The following IL21 variants were observed in gnomAD, a reference collection of about 807,000 sequenced individuals.
IL21 encodes interleukin 21.
Under a neutral mutation model 18.4 loss-of-function variants are expected in IL21, and 3 were observed. The observed-to-expected ratio is 0.16, with a 90% confidence interval of 0.07 to 0.42. IL21 has a LOEUF of 0.42. Among genes scored for constraint, IL21 ranks in the 10% least tolerant of loss-of-function variants. IL21 has a pLI of 0.99. For synonymous variants in IL21, 37 were observed against 62.0 expected (o/e 0.60, Z 1.90); for missense variants, 130 against 188.4 (o/e 0.69, Z 1.81).
chr4:122,618,063 G>T (rs1044273463), intron 2 of IL21, among the ~76,000 whole-genome samples: 13 of 152,284 alleles, frequency 8.5e-5, no homozygotes, highest in Non-Finnish European at 1.2e-4. Flanking sequence ...CCAAAGGCAA[G>T]ACTTTGTTTC....
At chr4:122,615,443 G>A (rs187717912) in intron 3 of IL21, among the ~76,000 whole-genome samples, 3 of 152,144 alleles carry the variant, frequency 2.0e-5, no homozygotes, top group African/African-American at 7.2e-5. Context: ...GAGGAGAATG[G>A]CGTGAAACCG....
Position 122,615,748 on chromosome 4 carries a change from T to G in IL21, c.294A>C (p.Val98=). The change falls in exon 3 of 5, where the codon GTA becomes GTC. Residue 98 remains valine (V), a synonymous_variant. Transcript: ENST00000648588. The stretch of plus-strand genomic sequence containing the variant: ...GTTTCCTCTTCAGCTTTTTAATTGA[T>G]ACATTGATTATCCTTTCATTGTTTC... The part of the protein sequence containing the change: ...NTGNNERIIN[V]SIKKLKRKPP... 5 of 1,613,824 alleles carry G rather than the reference T, an allele frequency of 3.1e-6. No individual in the cohort carries two copies. Among genetic ancestry groups the G allele is most frequent in the Non-Finnish European group, 4.2e-6 (5 of 1,179,722 alleles).
chr4:122,615,658 A>C (rs755070384), intron 3 of IL21, 24 bp downstream of exon 3: 12 of 1,601,746 alleles, frequency 7.5e-6, no homozygotes, highest in Non-Finnish European at 1.0e-5. Context: ...TACAAATAAG[A>C]GAGATGACAA....
At position 122,612,866 on chromosome 4, in the gene IL21, T is replaced by C; in HGVS notation, c.423A>G (p.Lys141=). Residue 141 remains lysine, a synonymous_variant, in exon 4 of 5, where the codon AAA becomes AAG. Coordinates refer to ENST00000648588, the MANE Select transcript of IL21 (RefSeq NM_021803.4). ...KPPKEFLERF[K]SLLQKMIHQH... ...AGGTAGATACCTTTTGGAGAAGTGA[T>C]TTGAATCTTTCTAGGAATTCTTTGG... 1 of 1,613,066 alleles carries C rather than the reference T, an allele frequency of 6.2e-7. No homozygotes were observed. The highest frequency in any genetic ancestry group is 8.5e-7 in the Non-Finnish European group (1 of 1,179,492).
At chr4:122,618,477 C>A (rs574227309) in intron 2 of IL21, among the ~76,000 whole-genome samples, 1 of 152,180 alleles carries the variant, frequency 6.6e-6, no homozygotes, top group African/African-American at 2.4e-5. Context: ...AAGCCCTGGC[C>A]ATTCACACTA....
In IL21 at chr4:122,615,745, T is replaced by G; in HGVS notation, c.297A>C (p.Ser99=). 6.2e-7 allele frequency: 1 copy of G among 1,613,838 alleles called. No individual in the cohort carries two copies. Residue 99 remains serine, a synonymous_variant, in exon 3 of 5, where the codon TCA becomes TCC. Coordinates refer to ENST00000648588, the MANE Select transcript of IL21 (RefSeq NM_021803.4). ...GTGGTTTCCTCTTCAGCTTTTTAAT[T>G]GATACATTGATTATCCTTTCATTGT... ...TGNNERIINV[S]IKKLKRKPPS...
rs1364591882 is a variant in IL21, at chr4:122,611,058, T to G, written c.*1652A>C. On this transcript the variant is annotated 3_prime_UTR_variant, in exon 5 of 5. Transcript: ENST00000648588. ...ATTATTTTAAATATGAAATACAATA[T>G]CCAAGAAGTTAATAGCTATACATTC... 6.6e-6 allele frequency among the ~76,000 whole-genome samples: 1 copy of G among 152,166 alleles called. No homozygotes were observed. Among genetic ancestry groups the G allele is most frequent in the Admixed American group, 6.5e-5 (1 of 15,284 alleles).
intron 2 of IL21, chr4:122,618,913 A>G (rs186883325): frequency 1.3e-5 from 2 of 151,790 alleles, no homozygotes; most frequent in Admixed American, 1.3e-4. Context: ...GGGCTAGATA[A>G]TTCTTTGTTG....
intron 3 of IL21, among the ~76,000 whole-genome samples, chr4:122,613,538 G>T (rs1274832524): frequency 2.0e-5 from 3 of 151,884 alleles, no homozygotes; most frequent in South Asian, 4.2e-4. Context: ...TTTTAGTAGA[G>T]ACCAGGTTTC....
chr4:122,613,346 A>ATT (rs1799288582), intron 3 of IL21, among the ~76,000 whole-genome samples: 1 of 133,518 alleles, frequency 7.5e-6, no homozygotes, highest in Non-Finnish European at 1.6e-5. Context: ...GTTGCATCTA[A>ATT]CTTTTTTTTT....
At position 122,612,833 on chromosome 4, in the gene IL21, G is replaced by A; in HGVS notation, c.438+18C>T. On this transcript the variant is annotated intron_variant, in intron 4 of 4. Transcript: ENST00000648588. ...GTAAAGATAAAGCAGAAAATCAAAT[G>A]AAACTTAAGGTAGATACCTTTTGGA... 2 of 1,612,570 alleles carry A rather than the reference G, an allele frequency of 1.2e-6. No individual in the cohort carries two copies. The highest frequency in any genetic ancestry group is 1.7e-6 in the Non-Finnish European group (2 of 1,179,106).
chr4:122,611,343 A>G lies in IL21; in HGVS notation c.*1367T>C, dbSNP rs1799262022. Among the ~76,000 whole-genome samples the G allele has an allele frequency of 1.3e-5, 2 of 152,148 alleles. No individual in the cohort carries two copies. The highest frequency in any genetic ancestry group is 4.1e-4 in the South Asian group (2 of 4,830). ...CATTTCATTGAGATTTGATTAAATA[A>G]TTCTCAATATATCTTTTAGAACTGT... On this transcript the variant is annotated 3_prime_UTR_variant, in exon 5 of 5. Coordinates refer to ENST00000648588, the MANE Select transcript of IL21 (RefSeq NM_021803.4).
At chr4:122,616,067 A>C (rs1416947326) in intron 2 of IL21, among the ~76,000 whole-genome samples, 1 of 152,224 alleles carries the variant, frequency 6.6e-6, no homozygotes, top group Non-Finnish European at 1.5e-5. Context: ...ACAATGCTTT[A>C]TTCCTGATGC....
At position 122,611,621 on chromosome 4, in the gene IL21, G is replaced by T. The variant is rs925819890; in HGVS notation, c.*1089C>A. Among the ~76,000 whole-genome samples the T allele has an allele frequency of 1.3e-5, 2 of 152,156 alleles. No homozygotes were observed. Among genetic ancestry groups the T allele is most frequent in the African/African-American group, 4.8e-5 (2 of 41,434 alleles). On this transcript the variant is annotated 3_prime_UTR_variant, in exon 5 of 5. Coordinates refer to ENST00000648588, the MANE Select transcript of IL21 (RefSeq NM_021803.4). ...TTTACTACCCAAGTCTGAAAGATTG[G>T]AATGCTTATGCGAAAGTCTGTTTTC... is the stretch of plus-strand genomic sequence containing the variant.
chr4:122,619,950 T>C (rs1799400403), intron 2 of IL21: 1 of 152,202 alleles, frequency 6.6e-6, no homozygotes, highest in Admixed American at 6.5e-5. Context: ...ATTTCCCCAA[T>C]TGCATTTATA....
At chr4:122,615,229 C>T (rs948931639) in intron 3 of IL21, among the ~76,000 whole-genome samples, 1 of 152,126 alleles carries the variant, frequency 6.6e-6, no homozygotes, top group Non-Finnish European at 1.5e-5. Context: ...TCTTAAAATG[C>T]ACCACGTATA....
At chr4:122,618,916 C>T (rs1799382656) in intron 2 of IL21, 1 of 144,424 alleles carries the variant, frequency 6.9e-6, no homozygotes, top group South Asian at 2.3e-4. Flanking sequence ...CTAGATAATT[C>T]TTTGTTGTCA....
At chr4:122,619,057 A>G (rs1441673906) in intron 2 of IL21, 1 of 152,144 alleles carries the variant, frequency 6.6e-6, no homozygotes, top group East Asian at 1.9e-4. Context: ...TTTCTGGGGC[A>G]CAAAAATCAC....
chr4:122,615,819 C>A lies in IL21; in HGVS notation c.223G>T (p.Ala75Ser). The change falls in exon 3 of 5, where the codon GCT becomes TCT. Residue 75 changes from alanine to serine, a missense_variant. Coordinates refer to ENST00000648588, the MANE Select transcript of IL21 (RefSeq NM_021803.4). The part of the protein sequence containing the change: ...EDVETNCEWS[A>S]FSCFQKAQLK... ...TGGGCCTTCTGAAAGCAGGAAAAAG[C>A]TGACCACTCACAGTTTGTCTGAAAG... The A allele has an allele frequency of 6.2e-7, 1 of 1,611,304 alleles. No homozygotes were observed. Among genetic ancestry groups the A allele is most frequent in the Non-Finnish European group, 8.5e-7 (1 of 1,178,494 alleles).
Sources: allele counts gnomAD v4.1 joint callset (sites outside exome capture counted in the v4.1 genomes callset), GRCh38; gene constraint gnomAD v4.1.1; transcripts MANE v1.5; gene names NCBI Gene and HGNC (gene_info 2026-07-23, HGNC 2026-07-21).